CCL28: variants seen among roughly 807,000 people sequenced by gnomAD.
CCL28 encodes C-C motif chemokine 28.
A neutral mutation model predicts 7.1 loss-of-function variants in CCL28; 4 were observed. That is an observed-to-expected ratio of 0.56 (90% CI 0.28 to 1.29). CCL28 has a LOEUF of 1.29. Among genes scored for constraint, CCL28 ranks in the 50% most tolerant of loss-of-function variants. The probability of loss-of-function intolerance (pLI) is 0.11; values close to 1 mark genes in which losing one functional copy is unlikely to be tolerated. For synonymous variants in CCL28, 55 were observed against 57.8 expected, an observed-to-expected ratio of 0.95 and a Z score of 0.22; for missense variants, 151 against 163.4, an observed-to-expected ratio of 0.92 and a Z score of 0.41.
downstream of CCL28, among the ~76,000 whole-genome samples, chr5:43,378,623 GTTTTAC>G (rs894799904): frequency 6.6e-6 from 1 of 152,192 alleles, no homozygotes; most frequent in African/African-American, 2.4e-5. Flanking sequence ...ATACAATAAT[GTTTTAC>G]TAAGCACATG....
downstream of CCL28, among the ~76,000 whole-genome samples, chr5:43,373,172 A>G (rs1433541933): frequency 6.6e-6 from 1 of 152,146 alleles, no homozygotes; most frequent in Non-Finnish European, 1.5e-5. Flanking sequence ...CACATGTGGA[A>G]TTTCTGGGTC....
the CCL28 span, among the ~76,000 whole-genome samples, chr5:43,368,404 T>C: frequency 6.6e-6 from 1 of 152,168 alleles, no homozygotes; most frequent in African/African-American, 2.4e-5. Flanking sequence ...GAACTATATT[T>C]CCTTTTTCTC....
rs1316210886 is a variant in CCL28, at chr5:43,380,754, A to G, written c.*1106T>C. The G allele has an allele frequency of 6.6e-6, 1 of 151,904 alleles. No homozygotes were observed. The highest frequency in any genetic ancestry group is 1.5e-5 in the Non-Finnish European group (1 of 67,956). The allele number at this position is 151,904 out of a possible 1,614,324, so 9.4% of individuals were successfully genotyped here. A position where few individuals can be genotyped will look rare whatever the true frequency, so the allele number is the denominator to read the frequency against. The stretch of plus-strand genomic sequence containing the variant: ...GAAGTTGAGGCTTCAGTGAGCCAAA[A>G]TCAAAATTGTGCCACTGCACTCCAG... On this transcript the variant is annotated 3_prime_UTR_variant, in exon 3 of 3. Transcript: ENST00000361115.
At chr5:43,362,293 T>A in the CCL28 span, among the ~76,000 whole-genome samples, 1 of 152,156 alleles carries the variant, frequency 6.6e-6, no homozygotes, top group African/African-American at 2.4e-5. Context: ...ACAGCTTGGC[T>A]GTTTTTGGTG....
chr5:43,373,791 C>G (rs138590781), downstream of CCL28, among the ~76,000 whole-genome samples: 1 of 152,180 alleles, frequency 6.6e-6, no homozygotes, highest in African/African-American at 2.4e-5. Flanking sequence ...CTGTGGCCTG[C>G]GTTTAGCAAA....
intron 1 of CCL28, among the ~76,000 whole-genome samples, chr5:43,399,632 T>C (rs1338107456): frequency 1.3e-5 from 2 of 152,228 alleles, no homozygotes; most frequent in Non-Finnish European, 2.9e-5. Context: ...TTGCTTTTTT[T>C]CTAGGAATAG....
chr5:43,400,216 A>AT (rs1442713771), intron 1 of CCL28, among the ~76,000 whole-genome samples: 1 of 151,956 alleles, frequency 6.6e-6, no homozygotes, highest in Non-Finnish European at 1.5e-5. Flanking sequence ...TGTATGGATG[A>AT]TTTTCCAGGA....
intron 1 of CCL28, among the ~76,000 whole-genome samples, chr5:43,403,881 G>A (rs1327133574): frequency 3.9e-5 from 6 of 152,184 alleles, no homozygotes; most frequent in Non-Finnish European, 8.8e-5. Context: ...CTCAGTAGCC[G>A]ATTCGACCAA....
At chr5:43,407,343 T>C (rs932751014) in intron 1 of CCL28, among the ~76,000 whole-genome samples, 1 of 152,008 alleles carries the variant, frequency 6.6e-6, no homozygotes, top group South Asian at 2.1e-4. Context: ...ATACCACACA[T>C]CTACAACCAT....
rs1248152397 is a variant in CCL28 at position 43,381,934 on chromosome 5, G to A, written c.310C>T (p.His104Tyr). Residue 104 changes from histidine (H) to tyrosine (Y), a missense_variant, in exon 3 of 3, where the codon CAC (histidine) becomes TAC (tyrosine). Physicochemically the swap from His to Tyr is moderately conservative, Grantham distance 83. Coordinates refer to ENST00000361115, the MANE Select transcript of CCL28 (RefSeq NM_148672.3). ...CTGTTACTGTTCCTCTTGCCATGGTGTTTCTTCCTGTGGCAAACATTTCCT... is the reference window on the plus strand; with the variant it reads ...CTGTTACTGTTCCTCTTGCCATGGTATTTCTTCCTGTGGCAAACATTTCCT... ...GKGNVCHRKKHHGKRNSNRAH... is the reference protein window; with the variant it reads ...GKGNVCHRKKYHGKRNSNRAH... 3.1e-6 allele frequency: 5 copies of A among 1,614,054 alleles called. No homozygotes were observed. Among genetic ancestry groups the A allele is most frequent in the Non-Finnish European group, 3.4e-6 (4 of 1,179,988 alleles).
chr5:43,375,080 C>A (rs1465950862), downstream of CCL28, among the ~76,000 whole-genome samples: 8 of 151,966 alleles, frequency 5.3e-5, no homozygotes, highest in Non-Finnish European at 1.0e-4. Flanking sequence ...ACCTCCACCT[C>A]CCAGGTTCAA....
intron 1 of CCL28, among the ~76,000 whole-genome samples, chr5:43,408,005 G>T (rs1289835226): frequency 6.6e-6 from 1 of 152,214 alleles, no homozygotes; most frequent in East Asian, 1.9e-4. Context: ...TGCTGGAGAG[G>T]ATGTGGAGAA....
chr5:43,408,508 A>C (rs1294831787), intron 1 of CCL28, among the ~76,000 whole-genome samples: 1 of 152,130 alleles, frequency 6.6e-6, no homozygotes, highest in African/African-American at 2.4e-5. Flanking sequence ...GGGAGCGGGG[A>C]GGGATAGCGT....
chr5:43,383,035 T>A (rs956824610), intron 2 of CCL28, among the ~76,000 whole-genome samples: 1 of 152,102 alleles, frequency 6.6e-6, no homozygotes, highest in African/African-American at 2.4e-5. Context: ...GCCAGGCTGG[T>A]CTTGAACTAC....
At chr5:43,392,594 A>G (rs952967950) in intron 1 of CCL28, among the ~76,000 whole-genome samples, 1 of 152,204 alleles carries the variant, frequency 6.6e-6, no homozygotes, top group African/African-American at 2.4e-5. Context: ...GATTATACCA[A>G]TTTACACTCA....
At chr5:43,393,806 C>G (rs1307496604) in intron 1 of CCL28, among the ~76,000 whole-genome samples, 1 of 152,178 alleles carries the variant, frequency 6.6e-6, no homozygotes, top group Non-Finnish European at 1.5e-5. Context: ...GGCCAAATAA[C>G]CTCCAGATGT....
the CCL28 span, among the ~76,000 whole-genome samples, chr5:43,363,471 C>T: frequency 6.6e-6 from 1 of 152,192 alleles, no homozygotes; most frequent in African/African-American, 2.4e-5. Flanking sequence ...TTGCAGCTGT[C>T]CTGGGAAGCA....
intron 2 of CCL28, among the ~76,000 whole-genome samples, chr5:43,387,624 T>A (rs1044595267): frequency 1.3e-5 from 2 of 152,196 alleles, no homozygotes; most frequent in Non-Finnish European, 2.9e-5. Context: ...TGCCTTTTTG[T>A]TGTTGTGGTG....
At chr5:43,367,416 C>T in the CCL28 span, among the ~76,000 whole-genome samples, 4 of 152,208 alleles carry the variant, frequency 2.6e-5, no homozygotes, top group South Asian at 2.1e-4. Flanking sequence ...GTGGGAAAAG[C>T]GTAGTATCTG....
Sources: allele counts gnomAD v4.1 joint callset (sites outside exome capture counted in the v4.1 genomes callset), GRCh38; gene constraint gnomAD v4.1.1; transcripts MANE v1.5; gene names NCBI Gene and HGNC (gene_info 2026-07-23, HGNC 2026-07-21).